Variants in KIAA1217 observed in about 807,000 individuals in gnomAD.
The protein encoded by KIAA1217 is KIAA1217.
In KIAA1217, 88 loss-of-function variants were observed where a neutral mutation model predicts 163.9. That is an observed-to-expected ratio of 0.54 (90% CI 0.45 to 0.64). KIAA1217 has a LOEUF of 0.64. Among genes scored for constraint, KIAA1217 ranks in the 30% least tolerant of loss-of-function variants. The pLI, the probability that KIAA1217 is intolerant of heterozygous loss-of-function variation, is 0.00. For missense variants in KIAA1217, 2,372 were observed against 2,475.0 expected (o/e 0.96, Z 0.88); for synonymous variants, 903 against 923.1 (o/e 0.98, Z 0.39).
intron 3 of KIAA1217, among the ~76,000 whole-genome samples, chr10:24,404,723 G>C (rs908013490): frequency 5.3e-5 from 8 of 152,100 alleles, no homozygotes; most frequent in Non-Finnish European, 1.2e-4. Flanking sequence ...AGAGCCAAAA[G>C]CTAGAAACTA....
chr10:23,854,946 G>A (rs1204552143), intron 1 of KIAA1217, among the ~76,000 whole-genome samples: 1 of 152,180 alleles, frequency 6.6e-6, no homozygotes, highest in African/African-American at 2.4e-5. Context: ...ACAGCACACT[G>A]ATGGGTCTTG....
At chr10:24,105,101 A>C (rs2062572955) in intron 2 of KIAA1217, among the ~76,000 whole-genome samples, 1 of 151,878 alleles carries the variant, frequency 6.6e-6, no homozygotes, top group African/African-American at 2.4e-5. Flanking sequence ...TGAATACTTA[A>C]TAGTTATGTA....
chr10:24,417,620 C>A (rs1364581223), intron 3 of KIAA1217, among the ~76,000 whole-genome samples: 1 of 151,628 alleles, frequency 6.6e-6, no homozygotes, highest in Non-Finnish European at 1.5e-5. Context: ...GACGGCTGGC[C>A]ATTGAGACAC....
intron 1 of KIAA1217, among the ~76,000 whole-genome samples, chr10:23,711,939 G>A (rs1056784252): frequency 6.6e-6 from 1 of 152,160 alleles, no homozygotes; most frequent in Admixed American, 6.5e-5. Context: ...AGAGAAACAT[G>A]CTCCCTAAGT....
At chr10:23,790,827 G>C (rs1450901191) in intron 1 of KIAA1217, among the ~76,000 whole-genome samples, 1 of 151,674 alleles carries the variant, frequency 6.6e-6, no homozygotes, top group African/African-American at 2.4e-5. Context: ...TCGACCTCCT[G>C]GGCTCAAGCC....
At chr10:24,006,408 T>C (rs2131476963) in intron 1 of KIAA1217, among the ~76,000 whole-genome samples, 1 of 152,312 alleles carries the variant, frequency 6.6e-6, no homozygotes, top group Middle Eastern at 3.4e-3. Context: ...CAGAAACAAA[T>C]TTCTATTGGG....
chr10:24,510,195 G>A (rs534132918), intron 9 of KIAA1217, among the ~76,000 whole-genome samples: 2 of 152,286 alleles, frequency 1.3e-5, no homozygotes, highest in South Asian at 4.1e-4. Flanking sequence ...AATCCTAACT[G>A]TGCTCTCTAA....
chr10:23,865,592 C>A (rs1840144212), intron 1 of KIAA1217, among the ~76,000 whole-genome samples: 1 of 151,966 alleles, frequency 6.6e-6, no homozygotes, highest in South Asian at 2.1e-4. Context: ...CTTTTATAAT[C>A]CAAACTGCCT....
chr10:23,798,908 A>G (rs1296059673), intron 1 of KIAA1217, among the ~76,000 whole-genome samples: 2 of 152,256 alleles, frequency 1.3e-5, no homozygotes, highest in East Asian at 1.9e-4. Context: ...TACCACAAAC[A>G]GAGTGTCTCA....
intron 3 of KIAA1217, among the ~76,000 whole-genome samples, chr10:24,383,759 C>A (rs1265874238): frequency 6.6e-6 from 1 of 152,234 alleles, no homozygotes; most frequent in African/African-American, 2.4e-5. Context: ...GAGGCTGGCA[C>A]TGGGCCAGCT....
chr10:23,894,142 C>A (rs2131222608), intron 1 of KIAA1217, among the ~76,000 whole-genome samples: 1 of 149,072 alleles, frequency 6.7e-6, no homozygotes, highest in Non-Finnish European at 1.5e-5. Context: ...CTGGCCAGGG[C>A]AATTAGGCAG....
rs78507217 is a variant in KIAA1217 at position 24,417,374 on chromosome 10, C to T, written c.554-15621C>T. Among the ~76,000 whole-genome samples, 4 of 152,250 alleles carry T rather than the reference C, an allele frequency of 2.6e-5. No homozygotes were observed. In the East Asian group the frequency reaches 7.7e-4, roughly 29 times the overall value. On this transcript the variant is annotated intron_variant, in intron 3 of 20. Transcript: ENST00000376454. ...AGCAAGGCGTGAAATTTGAGTGTTCCCAAGTCTCTCTCCATAGCTGCCCGT... is the reference window on the plus strand; with the variant it reads ...AGCAAGGCGTGAAATTTGAGTGTTCTCAAGTCTCTCTCCATAGCTGCCCGT...
chr10:24,184,275 A>G (rs1251163268), intron 2 of KIAA1217, among the ~76,000 whole-genome samples: 1 of 152,204 alleles, frequency 6.6e-6, no homozygotes, highest in African/African-American at 2.4e-5. Flanking sequence ...TCACTGGATA[A>G]TAAATGGGAG....
intron 3 of KIAA1217, among the ~76,000 whole-genome samples, chr10:24,384,523 G>A (rs1233115428): frequency 1.3e-5 from 2 of 152,086 alleles, no homozygotes; most frequent in Non-Finnish European, 2.9e-5. Context: ...ACATTCCATG[G>A]ATTTGGACAA....
chr10:24,143,301 G>A (rs138649704), intron 2 of KIAA1217, among the ~76,000 whole-genome samples: 29 of 152,226 alleles, frequency 1.9e-4, no homozygotes, highest in South Asian at 4.2e-4. Flanking sequence ...GTCTCGCTCC[G>A]TTGTCCAGGC....
intron 1 of KIAA1217, among the ~76,000 whole-genome samples, chr10:23,698,306 T>C (rs1836183118): frequency 6.6e-6 from 1 of 152,216 alleles, no homozygotes; most frequent in Non-Finnish European, 1.5e-5. Context: ...AAGAGTATTG[T>C]GATTGTGGAT....
chr10:23,995,872 C>T (rs1846458575), intron 1 of KIAA1217, among the ~76,000 whole-genome samples: 2 of 152,158 alleles, frequency 1.3e-5, no homozygotes, highest in South Asian at 4.2e-4. Flanking sequence ...CAGTGATTTG[C>T]AAACTCTGAA....
At chr10:23,752,908 C>A (rs1167662837) in intron 1 of KIAA1217, among the ~76,000 whole-genome samples, 1 of 152,112 alleles carries the variant, frequency 6.6e-6, no homozygotes, top group Non-Finnish European at 1.5e-5. Context: ...TTAAGCTCTG[C>A]AAGAGCCTTG....
chr10:24,034,433 C>A (rs1020530301), intron 2 of KIAA1217, among the ~76,000 whole-genome samples: 1 of 151,902 alleles, frequency 6.6e-6, no homozygotes, highest in Non-Finnish European at 1.5e-5. Flanking sequence ...CATGGTGGCA[C>A]ATGCCTGTGG....
Sources: allele counts gnomAD v4.1 joint callset (sites outside exome capture counted in the v4.1 genomes callset), GRCh38; gene constraint gnomAD v4.1.1; transcripts MANE v1.5; gene names NCBI Gene and HGNC (gene_info 2026-07-23, HGNC 2026-07-21).